UTRN: variants seen among roughly 807,000 people sequenced by gnomAD.
UTRN encodes the protein utrophin.
Under a neutral mutation model 463.9 loss-of-function variants are expected in UTRN, and 283 were observed. The observed-to-expected ratio is 0.61, with a 90% CI of 0.55 to 0.67. The LOEUF is 0.67. Ranked by LOEUF, UTRN falls within the 30% of genes least tolerant of loss-of-function variation. The pLI is 0.00. For synonymous variants in UTRN, 1,442 were observed against 1,431.5 expected (o/e 1.01, Z -0.17); for missense variants, 3,922 against 4,084.3 (o/e 0.96, Z 1.08).
intron 2 of UTRN, among the ~76,000 whole-genome samples, chr6:144,353,844 A>AAAAC (rs58871410): frequency 0.072 from 10,972 of 151,664 alleles, 1,121 homozygotes; most frequent in African/African-American, 0.22. Flanking sequence ...GAGACTGTCT[A>AAAAC]AAACAAACAA....
chr6:144,352,573 G>T (rs192093626), intron 2 of UTRN, among the ~76,000 whole-genome samples: 3 of 152,274 alleles, frequency 2.0e-5, no homozygotes, highest in Admixed American at 1.3e-4. Context: ...GTTGCAAGGA[G>T]AATCTTATGT....
chr6:144,361,581 A>C (rs890200507), intron 2 of UTRN, among the ~76,000 whole-genome samples: 6 of 152,046 alleles, frequency 3.9e-5, no homozygotes, highest in Admixed American at 2.6e-4. Context: ...CTTTAAAAAA[A>C]AATTATTTAT....
chr6:144,420,214 C>A (rs185683084), intron 3 of UTRN, among the ~76,000 whole-genome samples: 7 of 152,128 alleles, frequency 4.6e-5, no homozygotes, highest in Admixed American at 3.9e-4. Context: ...GGAAGTGGGA[C>A]TGTTCATCTC....
chr6:144,572,883 A>G (rs1339008501), intron 50 of UTRN, among the ~76,000 whole-genome samples: 1 of 152,174 alleles, frequency 6.6e-6, no homozygotes, highest in Non-Finnish European at 1.5e-5. Flanking sequence ...TTTATAGTAG[A>G]ATGATTTATA....
intron 26 of UTRN, among the ~76,000 whole-genome samples, chr6:144,480,363 G>A (rs1791721905): frequency 6.6e-6 from 1 of 152,174 alleles, no homozygotes; most frequent in South Asian, 2.1e-4. Flanking sequence ...GCACAATCCA[G>A]TGGCATTAAT....
At chr6:144,583,451 T>A (rs913012991) in intron 51 of UTRN, 4 of 690,348 alleles carry the variant, frequency 5.8e-6, no homozygotes, top group African/African-American at 5.3e-5. Context: ...TTGCTCTTCA[T>A]TTATAATGCA....
intron 14 of UTRN, 98 bp from the exon 15 acceptor site, chr6:144,447,113 G>A: frequency 2.8e-6 from 3 of 1,081,788 alleles, no homozygotes; most frequent in South Asian, 1.6e-5. Context: ...TAAGGGTGAA[G>A]CCTCTAATAA....
At position 144,533,192 on chromosome 6, in the gene UTRN, A is replaced by C. The variant is rs1797217772; in HGVS notation, c.6165A>C (p.Lys2055Asn). 1.2e-6 allele frequency: 2 copies of C among 1,614,076 alleles called. No homozygotes were observed. The highest frequency in any genetic ancestry group is 1.7e-6 in the Non-Finnish European group (2 of 1,180,016). Residue 2055 changes from lysine to asparagine, a missense_variant, in exon 43 of 75, where the codon AAA becomes AAC. Transcript: ENST00000367545. ...CCCAGGCAGATGGAAGCTTCTTGAA[A>C]GAAAAACTGGCAGGTTTAAACCAAC... is the stretch of plus-strand genomic sequence containing the variant. The part of the protein sequence containing the change: ...KLSQADGSFL[K>N]EKLAGLNQRW...
At chr6:144,716,222 G>T (rs1786432039) in intron 53 of UTRN, among the ~76,000 whole-genome samples, 1 of 151,196 alleles carries the variant, frequency 6.6e-6, no homozygotes, top group African/African-American at 2.4e-5. Context: ...TGTTGAGATA[G>T]CTTTTAAAAT....
intron 9 of UTRN, among the ~76,000 whole-genome samples, chr6:144,435,409 G>A (rs1786442756): frequency 6.6e-6 from 1 of 152,194 alleles, no homozygotes; most frequent in Non-Finnish European, 1.5e-5. Flanking sequence ...AATACAATCA[G>A]TACAGCAGCC....
rs1397195236 is a variant in UTRN at position 144,813,173 on chromosome 6, T to TTTTA, written c.9358-7705_9358-7702dup. Among the ~76,000 whole-genome samples the TTTTA allele has an allele frequency of 2.0e-5, 3 of 151,450 alleles. No homozygotes were observed. In the South Asian group the frequency reaches 6.2e-4, roughly 31 times the overall value. On this transcript the variant is annotated intron_variant, in intron 65 of 74. Coordinates refer to ENST00000367545, the MANE Select transcript of UTRN (RefSeq NM_007124.3). ...TGTTGTTGTTGTTTTATTTTTTTAT[T>TTTTA]TTTATTTTTATTTATTTATTTATTT...
At position 144,732,259 on chromosome 6, in the gene UTRN, C is replaced by CATATATATATATATAT. The variant is rs1472448349; in HGVS notation, c.7939+1774_7939+1775insTATATATATATATATA. 4.3e-4 allele frequency among the ~76,000 whole-genome samples: 41 copies of CATATATATATATATAT among 94,696 alleles called. 1 individual carries two copies. The highest frequency in any genetic ancestry group is 1.0e-3 in the Admixed American group (9 of 8,602). The allele number at this position is 94,696 out of a possible 152,430, so 62.1% of individuals were successfully genotyped here. A position where few individuals can be genotyped will look rare whatever the true frequency, so the allele number is the denominator to read the frequency against. ...ATATACATATATATATATATATATA[C>CATATATATATATATAT]ACACATATATATATATATACACACA... On this transcript the variant is annotated intron_variant, in intron 54 of 74. Transcript: ENST00000367545.
At chr6:144,634,047 A>G (rs761811952) in intron 51 of UTRN, among the ~76,000 whole-genome samples, 6 of 152,228 alleles carry the variant, frequency 3.9e-5, no homozygotes, top group Non-Finnish European at 8.8e-5. Context: ...TGCCCAGGGG[A>G]ACTCCTATTG....
intron 3 of UTRN, among the ~76,000 whole-genome samples, chr6:144,410,213 AC>A (rs901732789): frequency 3.2e-4 from 49 of 152,276 alleles, no homozygotes; most frequent in Admixed American, 1.1e-3. Context: ...GATTTTATTT[AC>A]CTTTACACTA....
rs750127530 is a variant in UTRN at position 144,428,770 on chromosome 6, G to T, written c.579-8G>T. ...ATCTTCATTGCATTTTATTTGCATG[G>T]TTTTCAGACCTGATCTCTTCAGCTG... On this transcript the variant is annotated splice_polypyrimidine_tract_variant and splice_region_variant and intron_variant, in intron 7 of 74. Transcript: ENST00000367545. The T allele has an allele frequency of 6.5e-7, 1 of 1,537,480 alleles. No individual in the cohort carries two copies. The highest frequency in any genetic ancestry group is 1.4e-5 in the African/African-American group (1 of 72,524).
intron 19 of UTRN, among the ~76,000 whole-genome samples, chr6:144,457,076 A>C (rs963424613): frequency 1.3e-5 from 2 of 152,168 alleles, no homozygotes; most frequent in African/African-American, 2.4e-5. Flanking sequence ...AGAAATAGAA[A>C]ATTTTAAACT....
chr6:144,844,812 G>C (rs1174349959), intron 73 of UTRN, among the ~76,000 whole-genome samples: 1 of 152,162 alleles, frequency 6.6e-6, no homozygotes, highest in East Asian at 1.9e-4. Flanking sequence ...CCAATCCCTT[G>C]AGCCCCTGTA....
At chr6:144,325,048 A>G (rs1775892287) in intron 2 of UTRN, among the ~76,000 whole-genome samples, 1 of 152,178 alleles carries the variant, frequency 6.6e-6, no homozygotes, top group African/African-American at 2.4e-5. Context: ...TTTTTCTGGA[A>G]AAACTGAATT....
At chr6:144,716,024 T>C (rs1586180402) in intron 53 of UTRN, among the ~76,000 whole-genome samples, 1 of 152,292 alleles carries the variant, frequency 6.6e-6, no homozygotes, top group East Asian at 1.9e-4. Context: ...TCTCGAGAGC[T>C]AGAAATCATT....
Sources: allele counts gnomAD v4.1 joint callset (sites outside exome capture counted in the v4.1 genomes callset), GRCh38; gene constraint gnomAD v4.1.1; transcripts MANE v1.5; gene names NCBI Gene and HGNC (gene_info 2026-07-23, HGNC 2026-07-21).